The following AKAP8 variants were observed in gnomAD, a reference collection of about 807,000 sequenced individuals.
AKAP8 encodes the protein A-kinase anchor protein 8.
A neutral mutation model predicts 67.5 loss-of-function variants in AKAP8; 24 were observed. The observed-to-expected ratio is 0.36, with a 90% CI of 0.26 to 0.50. The LOEUF (loss-of-function observed/expected upper bound fraction) is 0.50. AKAP8 is among the 20% of genes least tolerant of loss of function. The probability of loss-of-function intolerance (pLI) is 0.97; values close to 1 mark genes in which losing one functional copy is unlikely to be tolerated. For missense variants in AKAP8, 971 were observed against 955.9 expected, an observed-to-expected ratio of 1.02 and a Z score of -0.21; for synonymous variants, 400 against 371.1, an observed-to-expected ratio of 1.08 and a Z score of -0.90.
chr19:15,357,290 ATGG>A (rs756857147), intron 13 of AKAP8, among the ~76,000 whole-genome samples: 113 of 148,994 alleles, frequency 7.6e-4, no homozygotes, highest in Non-Finnish European at 1.3e-3. Flanking sequence ...TTAGCCAGGC[ATGG>A]TGGTGGGCGC....
At chr19:15,362,390 G>A (rs1966983572) in intron 9 of AKAP8, 139 bp from the exon 10 acceptor site, 8 of 429,242 alleles carry the variant, frequency 1.9e-5, no homozygotes, top group Non-Finnish European at 2.9e-5. Context: ...TCTCCCCACG[G>A]TCTCCCTCTG....
rs774821166 is a variant in AKAP8, at chr19:15,359,071, G to A, written c.1528-9C>T. 3.7e-6 allele frequency: 6 copies of A among 1,612,588 alleles called. No homozygotes were observed. The highest frequency in any genetic ancestry group is 1.7e-4 in the Middle Eastern group (1 of 6,054). Reference sequence around the variant, plus strand: ...AACTGTTCAGCAGCCAACTGCAAAGGGAACCAAATGTGAGCTCTTAAAAAT... The same window carrying A: ...AACTGTTCAGCAGCCAACTGCAAAGAGAACCAAATGTGAGCTCTTAAAAAT... On this transcript the variant is annotated splice_polypyrimidine_tract_variant and intron_variant, in intron 12 of 13. Coordinates refer to ENST00000269701, the MANE Select transcript of AKAP8 (RefSeq NM_005858.4).
chr19:15,362,379 C>CTCCCCCCACGG, intron 9 of AKAP8, 128 bp from the exon 10 acceptor site: 2 of 840,052 alleles, frequency 2.4e-6, no homozygotes, highest in South Asian at 1.7e-5. Flanking sequence ...CCCCCTCTCC[C>CTCCCCCCACGG]TCTCCCCACG....
chr19:15,365,195 CCTCT>C (rs1967049492), intron 9 of AKAP8, among the ~76,000 whole-genome samples: 1 of 152,186 alleles, frequency 6.6e-6, no homozygotes, highest in Non-Finnish European at 1.5e-5. Flanking sequence ...CAGATGAGTT[CCTCT>C]CTGCAGGAAC....
intron 7 of AKAP8, among the ~76,000 whole-genome samples, chr19:15,371,516 T>G: frequency 2.0e-5 from 3 of 146,706 alleles, no homozygotes; most frequent in African/African-American, 7.6e-5. Context: ...TGAGACGGAG[T>G]CTCCCTCTGT....
In AKAP8 at chr19:15,354,620, G is replaced by GT. The variant is rs1454029953; in HGVS notation, c.*294dup. 2.5e-6 allele frequency: 1 copy of GT among 400,698 alleles called. No homozygotes were observed. Among genetic ancestry groups the GT allele is most frequent in the Non-Finnish European group, 4.5e-6 (1 of 223,182 alleles). The allele number at this position is 400,698 out of a possible 1,614,324, so 24.8% of individuals were successfully genotyped here. A position where few individuals can be genotyped will look rare whatever the true frequency, so the allele number is the denominator to read the frequency against. ...TCAGTGGCTGTATTGAACAAGTAATGTATCATCAAGATATAATCACCCAAC... is the reference window on the plus strand; with the variant it reads ...TCAGTGGCTGTATTGAACAAGTAATGTTATCATCAAGATATAATCACCCAAC... On this transcript the variant is annotated 3_prime_UTR_variant, in exon 14 of 14. Coordinates refer to ENST00000269701, the MANE Select transcript of AKAP8 (RefSeq NM_005858.4).
At chr19:15,363,178 G>C (rs1259981203) in intron 9 of AKAP8, among the ~76,000 whole-genome samples, 1 of 151,098 alleles carries the variant, frequency 6.6e-6, no homozygotes, top group East Asian at 2.0e-4. Context: ...CCCCGTCTGG[G>C]AAGTGAGGAG....
Position 15,373,283 on chromosome 19 carries a change from G to C in AKAP8, c.429C>G (p.His143Gln), listed in dbSNP as rs748223348. 5.6e-6 allele frequency: 9 copies of C among 1,613,660 alleles called. No individual in the cohort carries two copies. Among genetic ancestry groups the C allele is most frequent in the Non-Finnish European group, 7.6e-6 (9 of 1,179,984 alleles). The change falls in exon 5 of 14, where the codon CAC becomes CAG. Residue 143 changes from histidine to glutamine, a missense_variant. By Grantham distance (24) the His-to-Gln change is conservative. This residue lies in a region of AKAP8 where 763 missense variants were observed against 745.4 expected (regional missense o/e 1.02). Coordinates refer to ENST00000269701, the MANE Select transcript of AKAP8 (RefSeq NM_005858.4). ...AGCTGTAGCTGGGGCGGTAGGGGTT[G>C]TGCTCCGGCAGGCAGGGCCTGGAGT... The part of the protein sequence containing the change: ...SYDSRPCLPE[H>Q]NPYRPSYSYD...
At position 15,370,147 on chromosome 19, in the gene AKAP8, T is replaced by C; in HGVS notation, c.1071A>G (p.Arg357=). ...EDELCDSGRQ[R]GEKEDEDEDV... is the part of the protein sequence containing the mutation. ...TGCAAGGGACACGGTGATGCCTACC[T>C]CTTTGCCTCCCAGAGTCGCAGAGTT... The change falls in exon 8 of 14, where the codon AGA becomes AGG. Residue 357 remains arginine (R), a splice_region_variant and synonymous_variant. Coordinates refer to ENST00000269701, the MANE Select transcript of AKAP8 (RefSeq NM_005858.4). 1 of 1,614,110 alleles carries C rather than the reference T, an allele frequency of 6.2e-7. No homozygotes were observed. Among genetic ancestry groups the C allele is most frequent in the Non-Finnish European group, 8.5e-7 (1 of 1,180,004 alleles).
chr19:15,355,142 C>T lies in AKAP8; in HGVS notation c.1852G>A (p.Asp618Asn), dbSNP rs751777249. 7 of 1,613,230 alleles carry T rather than the reference C, an allele frequency of 4.3e-6. No homozygotes were observed. The South Asian group carries it at 6.6e-5, about 15-fold the overall frequency. Residue 618 changes from aspartate (D) to asparagine (N), a missense_variant, in exon 14 of 14, where the codon GAT (aspartate) becomes AAT (asparagine). This residue lies in a region of AKAP8 where 204 missense variants were observed against 193.0 expected (regional missense o/e 1.06). Transcript: ENST00000269701. ...TCCAGCAGCTGTTCGGCTTGAGGAT[C>T]ACTACCGGCCTCCGCTGTGTCCGTG... ...GPTDTAEAGSDPQAEQLLEEQ... is the reference protein window; with the variant it reads ...GPTDTAEAGSNPQAEQLLEEQ...
At chr19:15,374,931 T>C in intron 2 of AKAP8, among the ~76,000 whole-genome samples, 1 of 152,216 alleles carries the variant, frequency 6.6e-6, no homozygotes, top group East Asian at 1.9e-4. Flanking sequence ...GCCAAGAGGT[T>C]GGCCAGGCCA....
chr19:15,370,098 G>C (rs974124565), intron 8 of AKAP8, 48 bp downstream of exon 8: 19 of 1,611,168 alleles, frequency 1.2e-5, no homozygotes, highest in Non-Finnish European at 1.6e-5. Flanking sequence ...TAAGTGCGGG[G>C]CAGCTGGGAA....
Position 15,368,271 on chromosome 19 carries a change from C to T in AKAP8, c.1124G>A (p.Arg375Lys). The T allele has an allele frequency of 1.9e-6, 3 of 1,613,596 alleles. No individual in the cohort carries two copies. The highest frequency in any genetic ancestry group is 2.2e-5 in the South Asian group (2 of 91,090). ...ACGGTCCCGCGTCCTGTCTCTTCTC[C>T]TTTGCTTTTCCCTTCTCTTCTTCAC... is the stretch of plus-strand genomic sequence containing the variant. ...EDVKKRREKQ[R>K]RRDRTRDRAA... The change falls in exon 9 of 14, where the codon AGG becomes AAG. Residue 375 changes from arginine (R) to lysine (K), a missense_variant. Physicochemically the swap from Arg to Lys is conservative, Grantham distance 26 (BLOSUM62 2). This residue lies in a region of AKAP8 where 763 missense variants were observed against 745.4 expected (regional missense o/e 1.02). Transcript: ENST00000269701.
chr19:15,372,057 G>C lies in AKAP8; in HGVS notation c.992-59C>G, dbSNP rs567950249. The C allele has an allele frequency of 1.6e-5, 25 of 1,611,182 alleles. No homozygotes were observed. The East Asian group carries it at 4.9e-4, about 32-fold the overall frequency. Reference sequence around the variant, plus strand: ...CGGAGAACGGTCCCATCCGGTTTCCGCCCTCCCAAGCTCGCCATCCAGGGT... The same window carrying C: ...CGGAGAACGGTCCCATCCGGTTTCCCCCCTCCCAAGCTCGCCATCCAGGGT... On this transcript the variant is annotated intron_variant, in intron 6 of 13. Transcript: ENST00000269701.
chr19:15,356,807 G>A (rs937435580), intron 13 of AKAP8, among the ~76,000 whole-genome samples: 6 of 152,114 alleles, frequency 3.9e-5, no homozygotes, highest in Non-Finnish European at 8.8e-5. Flanking sequence ...AGACCAGCAT[G>A]GGCAACAGAG....
chr19:15,375,977 C>A (rs1055720258), intron 2 of AKAP8, among the ~76,000 whole-genome samples: 2 of 151,104 alleles, frequency 1.3e-5, no homozygotes, highest in African/African-American at 4.9e-5. Flanking sequence ...GTCACCCAGG[C>A]TGGAGTACAG....
rs532009013 is a variant in AKAP8 at position 15,369,989 on chromosome 19, A to G, written c.1072+157T>C. ...ACACTTTGAAGCAAAGTGTTGGCTG[A>G]TCGCCACGGTCAAGGCCCATCTGGT... is the stretch of plus-strand genomic sequence containing the variant. On this transcript the variant is annotated intron_variant, in intron 8 of 13. Coordinates refer to ENST00000269701, the MANE Select transcript of AKAP8 (RefSeq NM_005858.4). This position sits in a 1 kb window ranked among gnomAD's most constrained non-coding sequence, Gnocchi z 4.6. Among the ~76,000 whole-genome samples, 1 of 152,238 alleles carries G rather than the reference A, an allele frequency of 6.6e-6. No homozygotes were observed. Among genetic ancestry groups the G allele is most frequent in the South Asian group, 2.1e-4 (1 of 4,818 alleles).
At position 15,379,779 on chromosome 19, in the gene AKAP8, C is replaced by T. The variant is rs771773322; in HGVS notation, c.-48G>A. On this transcript the variant is annotated 5_prime_UTR_variant, in exon 1 of 14. Coordinates refer to ENST00000269701, the MANE Select transcript of AKAP8 (RefSeq NM_005858.4). The stretch of plus-strand genomic sequence containing the variant: ...AGCCCCGTTTACTAGGCGACCACAG[C>T]ACGCATGCGTTCAGCGCACCTCCGC... 35 of 1,609,162 alleles carry T rather than the reference C, an allele frequency of 2.2e-5. No homozygotes were observed. The East Asian group carries it at 7.2e-4, about 33-fold the overall frequency.
intron 4 of AKAP8, chr19:15,373,569 C>G (rs114359922): frequency 1.1e-6 from 1 of 904,038 alleles, no homozygotes; most frequent in Non-Finnish European, 1.6e-6. Context: ...AAAGGAGTCT[C>G]GGGGAGCTTA....
Sources: allele counts gnomAD v4.1 joint callset (sites outside exome capture counted in the v4.1 genomes callset), GRCh38; gene constraint gnomAD v4.1.1; regional missense constraint gnomAD v4.1.1; non-coding constraint Gnocchi (gnomAD v3.1); transcripts MANE v1.5; gene names NCBI Gene and HGNC (gene_info 2026-07-23, HGNC 2026-07-21).